Variants in GRIP1 observed in about 807,000 individuals in gnomAD.
GRIP1 encodes the protein glutamate receptor interacting protein 1.
A neutral mutation model predicts 129.9 loss-of-function variants in GRIP1; 45 were observed. The observed-to-expected ratio is 0.35, with a 90% CI of 0.27 to 0.44. The LOEUF (loss-of-function observed/expected upper bound fraction) is 0.44, where lower values mean the gene tolerates loss of function less well. Among genes scored for constraint, GRIP1 ranks in the 20% least tolerant of loss-of-function variants. The pLI is 1.00. For synonymous variants in GRIP1, 530 were observed against 520.8 expected (o/e 1.02, Z -0.24); for missense variants, 1,196 against 1,396.8 (o/e 0.86, Z 2.29).
At chr12:66,520,841 T>C (rs548794086) in intron 5 of GRIP1, among the ~76,000 whole-genome samples, 1 of 152,364 alleles carries the variant, frequency 6.6e-6, no homozygotes, top group East Asian at 1.9e-4. Flanking sequence ...AACAGCAGTA[T>C]ATTTTGGTAC....
intron 1 of GRIP1, among the ~76,000 whole-genome samples, chr12:66,749,152 A>C (rs920196016): frequency 6.6e-6 from 1 of 152,148 alleles, no homozygotes; most frequent in Non-Finnish European, 1.5e-5. Context: ...ATTATGTTTT[A>C]ATTAGTACAT....
At chr12:66,851,542 C>A (rs2039912842) in intron 1 of GRIP1, among the ~76,000 whole-genome samples, 1 of 152,168 alleles carries the variant, frequency 6.6e-6, no homozygotes, top group African/African-American at 2.4e-5. Flanking sequence ...ACCAGCTGGA[C>A]CTTTCTAGAA....
chr12:66,377,141 A>G, intron 21 of GRIP1, 33 bp downstream of exon 21: 1 of 1,567,886 alleles, frequency 6.4e-7, no homozygotes, highest in East Asian at 2.2e-5. Context: ...TGAATGTAGA[A>G]ACAATAAAAG....
chr12:66,759,073 T>C (rs1047887615), intron 1 of GRIP1, among the ~76,000 whole-genome samples: 4 of 152,240 alleles, frequency 2.6e-5, no homozygotes, highest in African/African-American at 9.6e-5. Context: ...ATTTGCATTC[T>C]GCATTGCCCT....
At chr12:66,690,126 C>A (rs1474112830) in intron 1 of GRIP1, among the ~76,000 whole-genome samples, 1 of 151,972 alleles carries the variant, frequency 6.6e-6, no homozygotes, top group Non-Finnish European at 1.5e-5. Context: ...CCCTACATTG[C>A]CCAGGCTGGT....
At chr12:66,531,959 T>C (rs1161559079) in intron 4 of GRIP1, among the ~76,000 whole-genome samples, 2 of 152,236 alleles carry the variant, frequency 1.3e-5, no homozygotes, top group Non-Finnish European at 2.9e-5. Context: ...ATTCTAATTC[T>C]GGGCCACCTG....
At chr12:66,679,135 T>G, upstream of GRIP1, 1 of 1,438,130 alleles carries the variant, frequency 7.0e-7, no homozygotes, top group Non-Finnish European at 9.1e-7. Context: ...CTCCTCCCCC[T>G]TCACAATCAC....
chr12:66,599,697 A>G (rs1393321318), intron 1 of GRIP1, among the ~76,000 whole-genome samples: 1 of 152,224 alleles, frequency 6.6e-6, no homozygotes, highest in African/African-American at 2.4e-5. Context: ...GCGTAAAGTC[A>G]TGGAGAACTA....
chr12:66,618,325 A>G (rs895080165), intron 1 of GRIP1, among the ~76,000 whole-genome samples: 2 of 152,304 alleles, frequency 1.3e-5, no homozygotes, highest in Non-Finnish European at 2.9e-5. Context: ...ATATAAATTT[A>G]TAGTTGCTTC....
chr12:66,806,235 C>T (rs2038990717), upstream of GRIP1, among the ~76,000 whole-genome samples: 1 of 152,022 alleles, frequency 6.6e-6, no homozygotes, highest in African/African-American at 2.4e-5. Context: ...TCCAAGATCA[C>T]AAAGCTAATA....
In GRIP1 at chr12:66,445,489, T is replaced by C; in HGVS notation, c.1374A>G (p.Thr458=). The C allele has an allele frequency of 5.0e-6, 8 of 1,613,510 alleles. No homozygotes were observed. Among genetic ancestry groups the C allele is most frequent in the Non-Finnish European group, 6.8e-6 (8 of 1,179,646 alleles). ...FKSSLSLASS[T]VGLAGQVVHT... The stretch of plus-strand genomic sequence containing the variant: ...GAACAACCTGCCCAGCCAATCCTAC[T>C]GTGCTGGAGGCTAAGGACACTAGAG... The change falls in exon 12 of 25, where the codon ACA becomes ACG. Residue 458 remains threonine, a synonymous_variant. Transcript: ENST00000359742.
intron 1 of GRIP1, among the ~76,000 whole-genome samples, chr12:66,915,957 C>G (rs1273173845): frequency 6.6e-6 from 1 of 152,194 alleles, no homozygotes; most frequent in African/African-American, 2.4e-5. Flanking sequence ...AGAAACTCAT[C>G]ATGCCAGAAG....
intron 1 of GRIP1, among the ~76,000 whole-genome samples, chr12:66,658,934 A>G (rs898569263): frequency 6.6e-6 from 1 of 151,790 alleles, no homozygotes; most frequent in Non-Finnish European, 1.5e-5. Flanking sequence ...CAAAAAAAAA[A>G]CAAAATAAAA....
chr12:67,038,428 C>A (rs936315777), intron 1 of GRIP1, among the ~76,000 whole-genome samples: 5 of 152,060 alleles, frequency 3.3e-5, no homozygotes, highest in Admixed American at 6.6e-5. Context: ...AGCAGTATAC[C>A]CCCTCCTCAG....
intron 1 of GRIP1, among the ~76,000 whole-genome samples, chr12:66,992,427 T>C (rs1056994331): frequency 3.3e-5 from 5 of 152,166 alleles, no homozygotes; most frequent in African/African-American, 4.8e-5. Flanking sequence ...TTTGGAACCA[T>C]GTCAATTCAG....
At chr12:66,494,324 C>CTT (rs1252585715) in intron 7 of GRIP1, among the ~76,000 whole-genome samples, 3 of 152,146 alleles carry the variant, frequency 2.0e-5, no homozygotes, top group Admixed American at 1.3e-4. Context: ...TTAACTGAGT[C>CTT]TTAAACTTTG....
intron 1 of GRIP1, among the ~76,000 whole-genome samples, chr12:66,966,603 C>T (rs550858129): frequency 6.6e-6 from 1 of 152,148 alleles, no homozygotes; most frequent in East Asian, 1.9e-4. Context: ...GTCCTCTTGG[C>T]TCTAACAATT....
intron 1 of GRIP1, among the ~76,000 whole-genome samples, chr12:66,810,625 G>A (rs536007648): frequency 6.6e-5 from 10 of 152,104 alleles, no homozygotes; most frequent in East Asian, 1.9e-4. Flanking sequence ...TAAATTTTCC[G>A]TTTGTAACCA....
intron 1 of GRIP1, among the ~76,000 whole-genome samples, chr12:66,989,978 T>G (rs1361151030): frequency 2.0e-5 from 3 of 152,234 alleles, no homozygotes; most frequent in African/African-American, 7.2e-5. Flanking sequence ...TGTTAAGATT[T>G]CACAGAATTA....
Sources: gnomAD v4.1 joint callset for allele counts (sites outside exome capture counted in the v4.1 genomes callset) on GRCh38, gnomAD v4.1.1 for gene constraint, MANE v1.5 for transcripts, NCBI Gene and HGNC (gene_info 2026-07-23, HGNC 2026-07-21) for gene names.